STRN: variants seen among roughly 807,000 people sequenced by gnomAD.
STRN encodes the protein striatin, also known as protein phosphatase 2 regulatory subunit B'''alpha.
A neutral mutation model predicts 96.3 loss-of-function variants in STRN; 53 were observed. The ratio of observed to expected loss-of-function variants is 0.55; its 90% confidence interval spans 0.44 to 0.69. STRN has a LOEUF of 0.69. Among genes scored for constraint, STRN ranks in the 30% least tolerant of loss-of-function variants. The pLI, the probability that STRN is intolerant of heterozygous loss-of-function variation, is 0.00. For missense variants in STRN, 987 were observed against 963.9 expected (o/e 1.02, Z -0.32); for synonymous variants, 428 against 355.9 (o/e 1.20, Z -2.28).
intron 9 of STRN, among the ~76,000 whole-genome samples, chr2:36,878,690 T>C (rs1299426813): frequency 1.3e-5 from 2 of 152,174 alleles, no homozygotes. Context: ...CCTTATGATA[T>C]CAGCACTCTT....
chr2:36,862,358 C>T (rs892908354), intron 12 of STRN, among the ~76,000 whole-genome samples: 1 of 152,230 alleles, frequency 6.6e-6, no homozygotes, highest in East Asian at 1.9e-4. Context: ...CTAATTTACA[C>T]TCCTACCAGC....
chr2:36,904,114 T>C (rs1669757501), intron 4 of STRN, among the ~76,000 whole-genome samples: 1 of 152,204 alleles, frequency 6.6e-6, no homozygotes, highest in African/African-American at 2.4e-5. Context: ...TAAAAAAAGA[T>C]TAACATTCTA....
Position 36,843,693 on chromosome 2 carries a change from A to G in STRN, c.*5763T>C, listed in dbSNP as rs2148113168. 1 of 152,290 alleles carries G rather than the reference A, an allele frequency of 6.6e-6. No individual in the cohort carries two copies. The highest frequency in any genetic ancestry group is 1.9e-4 in the East Asian group (1 of 5,188). The allele number at this position is 152,290 out of a possible 1,614,324, so 9.4% of individuals were successfully genotyped here. A position where few individuals can be genotyped will look rare whatever the true frequency, so the allele number is the denominator to read the frequency against. On this transcript the variant is annotated 3_prime_UTR_variant, in exon 18 of 18. Transcript: ENST00000263918. ...TGCACCCCTCTACAACTCCTCCCCC[A>G]AAAGCCCCAAATCAGACTATGTTAA... is the stretch of plus-strand genomic sequence containing the variant.
chr2:36,937,875 T>G (rs1310171467), intron 1 of STRN, among the ~76,000 whole-genome samples: 5 of 152,052 alleles, frequency 3.3e-5, no homozygotes, highest in African/African-American at 1.2e-4. Flanking sequence ...GAAGAAAAAG[T>G]GTATTCTTTA....
intron 3 of STRN, 138 bp from the exon 4 acceptor site, chr2:36,905,756 TG>T: frequency 1.5e-6 from 1 of 654,592 alleles, no homozygotes; most frequent in Non-Finnish European, 2.6e-6. Context: ...GTTAGGATAA[TG>T]TAAGTTCTGT....
chr2:36,891,618 A>G (rs998809584), intron 7 of STRN, among the ~76,000 whole-genome samples: 2 of 152,180 alleles, frequency 1.3e-5, no homozygotes, highest in Non-Finnish European at 2.9e-5. Flanking sequence ...AAAAATTAGC[A>G]ACATAACATA....
intron 15 of STRN, 24 bp from the exon 16 acceptor site, chr2:36,851,131 A>T: frequency 6.4e-7 from 1 of 1,555,336 alleles, no homozygotes; most frequent in Non-Finnish European, 8.9e-7. Flanking sequence ...ATTAAAAAGC[A>T]ACACAACTTA....
At chr2:36,849,646 A>G (rs1668170395) in intron 17 of STRN, 21 bp from the exon 18 acceptor site, 1 of 1,611,938 alleles carries the variant, frequency 6.2e-7, no homozygotes, top group African/African-American at 1.3e-5. Context: ...AAAAAAAATT[A>G]AAAGGAAAAA....
At chr2:36,850,039 G>A (rs2148123449) in intron 16 of STRN, among the ~76,000 whole-genome samples, 1 of 152,276 alleles carries the variant, frequency 6.6e-6, no homozygotes, top group South Asian at 2.1e-4. Flanking sequence ...CCACGATATG[G>A]AAGTCAGTAA....
intron 1 of STRN, among the ~76,000 whole-genome samples, chr2:36,957,065 G>C (rs903611093): frequency 2.0e-5 from 3 of 152,108 alleles, no homozygotes; most frequent in Non-Finnish European, 4.4e-5. Context: ...TTAGGATATT[G>C]ACCAATCACA....
At chr2:36,944,179 T>C (rs955355739) in intron 1 of STRN, among the ~76,000 whole-genome samples, 2 of 152,188 alleles carry the variant, frequency 1.3e-5, no homozygotes, top group Non-Finnish European at 2.9e-5. Context: ...AACAGACAGT[T>C]GAAAATACAG....
intron 10 of STRN, among the ~76,000 whole-genome samples, chr2:36,875,543 A>G (rs1409121591): frequency 3.2e-5 from 4 of 126,506 alleles, no homozygotes; most frequent in Non-Finnish European, 5.0e-5. Context: ...TGAATGCTCC[A>G]ATTAAAAGAC....
intron 2 of STRN, among the ~76,000 whole-genome samples, chr2:36,923,048 A>G (rs1290105056): frequency 3.3e-5 from 5 of 151,936 alleles, no homozygotes; most frequent in Non-Finnish European, 5.9e-5. Context: ...AGGCTGAGGC[A>G]GGAGAATTGC....
At chr2:36,857,601 AG>A (rs1668377676) in intron 14 of STRN, among the ~76,000 whole-genome samples, 1 of 152,088 alleles carries the variant, frequency 6.6e-6, no homozygotes, top group Non-Finnish European at 1.5e-5. Context: ...TGGAGGTTGC[AG>A]TGAGCCGAGA....
chr2:36,957,742 G>GTTTTTTTGTT (rs1158709835), intron 1 of STRN, among the ~76,000 whole-genome samples: 1 of 103,132 alleles, frequency 9.7e-6, no homozygotes. Context: ...TCTTCTTTTT[G>GTTTTTTTGTT]TCTTTTTTTT....
At chr2:36,902,277 T>A (rs1174545632) in intron 5 of STRN, among the ~76,000 whole-genome samples, 1 of 152,188 alleles carries the variant, frequency 6.6e-6, no homozygotes, top group East Asian at 1.9e-4. Flanking sequence ...GAAACGTCAT[T>A]CTTACAGATT....
intron 1 of STRN, among the ~76,000 whole-genome samples, chr2:36,944,244 G>A (rs557011378): frequency 2.7e-4 from 41 of 152,266 alleles, no homozygotes; most frequent in African/African-American, 9.4e-4. Flanking sequence ...CAAAAGCAAT[G>A]CAGATATAAC....
chr2:36,957,467 A>G (rs1293908070), intron 1 of STRN, among the ~76,000 whole-genome samples: 5 of 152,264 alleles, frequency 3.3e-5, no homozygotes, highest in African/African-American at 1.2e-4. Context: ...GCACACCTAT[A>G]GTCCCAGCCA....
chr2:36,929,681 C>A (rs1224117486), intron 1 of STRN, among the ~76,000 whole-genome samples: 1 of 152,166 alleles, frequency 6.6e-6, no homozygotes, highest in African/African-American at 2.4e-5. Context: ...CCACGCCCAG[C>A]CTTATTGAAG....
Sources: gnomAD v4.1 joint callset for allele counts (sites outside exome capture counted in the v4.1 genomes callset) on GRCh38, gnomAD v4.1.1 for gene constraint, MANE v1.5 for transcripts, NCBI Gene and HGNC (gene_info 2026-07-23, HGNC 2026-07-21) for gene names.